The following TUB variants were observed in gnomAD, a reference collection of about 807,000 sequenced individuals.
TUB encodes TUB bipartite transcription factor, also known as tubby protein homolog.
In TUB, 33 loss-of-function variants were observed where a neutral mutation model predicts 59.7. The ratio of observed to expected loss-of-function variants is 0.55; its 90% confidence interval spans 0.42 to 0.74. The LOEUF is 0.74. TUB is among the 30% of genes least tolerant of loss of function. The pLI is 0.00. For missense variants in TUB, 659 were observed against 672.0 expected (o/e 0.98, Z 0.21); for synonymous variants, 293 against 256.4 (o/e 1.14, Z -1.36).
chr11:8,046,027 A>C (rs753714017), intron 2 of TUB, among the ~76,000 whole-genome samples: 1 of 152,096 alleles, frequency 6.6e-6, no homozygotes, highest in Non-Finnish European at 1.5e-5. Context: ...GTACTCAGCC[A>C]GAGATAAGGG....
chr11:8,023,851 A>G (rs1253101255), intron 1 of TUB, among the ~76,000 whole-genome samples: 1 of 152,060 alleles, frequency 6.6e-6, no homozygotes, highest in African/African-American at 2.4e-5. Flanking sequence ...CCCATTAACC[A>G]TTTTGTCTCC....
intron 1 of TUB, among the ~76,000 whole-genome samples, chr11:8,087,114 T>G (rs1943683949): frequency 2.6e-5 from 4 of 152,206 alleles, no homozygotes; most frequent in Admixed American, 2.6e-4. Context: ...ATGTGCCCCC[T>G]GCATGGATGA....
chr11:8,089,159 C>T (rs1427858257), intron 1 of TUB, among the ~76,000 whole-genome samples: 1 of 152,208 alleles, frequency 6.6e-6, no homozygotes, highest in Non-Finnish European at 1.5e-5. Flanking sequence ...GAGGACGCAG[C>T]CTCCTCTAGA....
chr11:8,065,491 T>G (rs1399689618), intron 2 of TUB, among the ~76,000 whole-genome samples: 2 of 152,214 alleles, frequency 1.3e-5, no homozygotes, highest in African/African-American at 4.8e-5. Context: ...AAAATGGGGA[T>G]AGTCGTACCT....
At chr11:8,046,904 A>G (rs191496170) in intron 2 of TUB, among the ~76,000 whole-genome samples, 96 of 152,342 alleles carry the variant, frequency 6.3e-4, no homozygotes, top group Admixed American at 1.9e-3. Flanking sequence ...CACTAACGAC[A>G]GCTGCTTCAC....
chr11:8,100,379 T>A, intron 9 of TUB, 124 bp from the exon 10 acceptor site: 2 of 741,468 alleles, frequency 2.7e-6, no homozygotes, highest in East Asian at 2.7e-5. Flanking sequence ...TTTAGAGGGA[T>A]GTGTGTTAGA....
intron 2 of TUB, among the ~76,000 whole-genome samples, chr11:8,046,274 C>T (rs1265784601): frequency 6.6e-6 from 1 of 152,134 alleles, no homozygotes; most frequent in African/African-American, 2.4e-5. Context: ...TCTATTTCAC[C>T]GGTTTTTAAA....
intron 1 of TUB, among the ~76,000 whole-genome samples, chr11:8,028,770 AG>A (rs751498639): frequency 6.5e-5 from 5 of 77,514 alleles, no homozygotes; most frequent in Non-Finnish European, 1.2e-4. Flanking sequence ...GCATTTTGGG[AG>A]GCTCGGGTAG....
intron 6 of TUB, among the ~76,000 whole-genome samples, 181 bp from the exon 7 acceptor site, chr11:8,097,047 A>G (rs1364127445): frequency 1.3e-5 from 2 of 152,058 alleles, no homozygotes; most frequent in African/African-American, 4.8e-5. Flanking sequence ...ACCTCTAGGA[A>G]CTGTTGAGGG....
At chr11:8,019,940 C>T (rs542232907) in intron 1 of TUB, among the ~76,000 whole-genome samples, 2 of 152,240 alleles carry the variant, frequency 1.3e-5, no homozygotes, top group East Asian at 3.9e-4. Flanking sequence ...TGCCAGGCTC[C>T]GCGCCCGCCC....
intron 2 of TUB, among the ~76,000 whole-genome samples, chr11:8,045,119 G>C (rs1942811441): frequency 6.6e-6 from 1 of 152,070 alleles, no homozygotes; most frequent in Admixed American, 6.6e-5. Context: ...GGGGTGAGCT[G>C]CAAGTTCTAA....
chr11:8,047,495 G>C (rs1404553486), intron 2 of TUB, among the ~76,000 whole-genome samples: 2 of 152,192 alleles, frequency 1.3e-5, no homozygotes, highest in East Asian at 1.9e-4. Flanking sequence ...CTGGATGAAG[G>C]AATGGAGGTG....
chr11:8,069,704 T>G (rs1342764612), intron 2 of TUB, among the ~76,000 whole-genome samples: 1 of 152,242 alleles, frequency 6.6e-6, no homozygotes, highest in Middle Eastern at 3.2e-3. Flanking sequence ...TGCTGTTGTT[T>G]TTTTTTCCTT....
At position 8,039,195 on chromosome 11, in the gene TUB, C is replaced by A. The variant is rs548959269; in HGVS notation, c.155+167C>A. Reference sequence around the variant, plus strand: ...CCCCACAGGTATATCCCCGCAAACCCCTCTTGCTCCAGACAGGTGATCAGG... The same window carrying A: ...CCCCACAGGTATATCCCCGCAAACCACTCTTGCTCCAGACAGGTGATCAGG... On this transcript the variant is annotated intron_variant, in intron 1 of 12. Transcript: ENST00000305253. 1.1e-4 allele frequency among the ~76,000 whole-genome samples: 16 copies of A among 152,268 alleles called. No homozygotes were observed. In the South Asian group the frequency reaches 3.3e-3, roughly 32 times the overall value.
upstream of TUB, among the ~76,000 whole-genome samples, chr11:8,036,558 A>T (rs1303608713): frequency 6.6e-6 from 1 of 152,188 alleles, no homozygotes; most frequent in Non-Finnish European, 1.5e-5. Flanking sequence ...GACTGAAGGG[A>T]GGTGTGTTTG....
chr11:8,053,625 G>A (rs1055296872), intron 2 of TUB, among the ~76,000 whole-genome samples: 3 of 150,386 alleles, frequency 2.0e-5, no homozygotes, highest in East Asian at 2.0e-4. Context: ...CTCAGTCTCC[G>A]GAGTAGCTGG....
At chr11:8,074,739 CTTTTTTTTT>C (rs1157516500) in intron 2 of TUB, among the ~76,000 whole-genome samples, 1 of 60,616 alleles carries the variant, frequency 1.6e-5, no homozygotes, top group Non-Finnish European at 2.9e-5. Flanking sequence ...GACCTCGTGT[CTTTTTTTTT>C]TTTTTTTTTT....
intron 2 of TUB, chr11:8,068,535 A>G (rs1943293272): frequency 6.6e-6 from 1 of 151,986 alleles, no homozygotes; most frequent in African/African-American, 2.4e-5. Flanking sequence ...TCTTCTCCCT[A>G]CTCATTCCCC....
chr11:8,077,251 G>A (rs1015227685), upstream of TUB: 1 of 152,172 alleles, frequency 6.6e-6, no homozygotes, highest in Non-Finnish European at 1.5e-5. Flanking sequence ...CCCCCACTGG[G>A]AACCACATCC....
Sources: gnomAD v4.1 joint callset for allele counts (sites outside exome capture counted in the v4.1 genomes callset) on GRCh38, gnomAD v4.1.1 for gene constraint, MANE v1.5 for transcripts, NCBI Gene and HGNC (gene_info 2026-07-23, HGNC 2026-07-21) for gene names.